Variants in SLCO6A1 observed in about 807,000 individuals in gnomAD.
The protein encoded by SLCO6A1 is solute carrier organic anion transporter family member 6A1, also known as cancer/testis antigen 48.
A neutral mutation model predicts 72.7 loss-of-function variants in SLCO6A1; 65 were observed. The observed-to-expected ratio is 0.89, with a 90% confidence interval of 0.73 to 1.10. The LOEUF is 1.10. Among genes scored for constraint, SLCO6A1 ranks in the 50% least tolerant of loss-of-function variants. The probability of loss-of-function intolerance (pLI) is 0.00; values close to 1 mark genes in which losing one functional copy is unlikely to be tolerated. For synonymous variants in SLCO6A1, 314 were observed against 298.2 expected (o/e 1.05, Z -0.55); for missense variants, 874 against 872.6 (o/e 1.00, Z -0.02).
At chr5:102,478,249 T>C (rs1376210394) in intron 2 of SLCO6A1, among the ~76,000 whole-genome samples, 1 of 150,004 alleles carries the variant, frequency 6.7e-6, no homozygotes, top group Non-Finnish European at 1.5e-5. Context: ...TGCATGATTG[T>C]ATATATGTGT....
intron 4 of SLCO6A1, among the ~76,000 whole-genome samples, chr5:102,473,753 G>A (rs1751750077): frequency 6.6e-6 from 1 of 151,970 alleles, no homozygotes; most frequent in Non-Finnish European, 1.5e-5. Flanking sequence ...TAACATATGT[G>A]TAACTATTAG....
chr5:102,480,145 T>C lies in SLCO6A1; in HGVS notation c.616+32A>G, dbSNP rs1752112399. 8 of 1,542,348 alleles carry C rather than the reference T, an allele frequency of 5.2e-6. No homozygotes were observed. In the East Asian group the frequency reaches 1.8e-4, roughly 35 times the overall value. On this transcript the variant is annotated intron_variant, in intron 2 of 13. Coordinates refer to ENST00000506729, the MANE Select transcript of SLCO6A1 (RefSeq NM_173488.5). ...AGCCAAGGTTTGAATGAATATTGAT[T>C]TGATGTATGACAGTATATTTTAAAA...
Position 102,498,597 on chromosome 5 carries a change from T to A in SLCO6A1, c.248A>T (p.Asp83Val). 1 of 1,614,230 alleles carries A rather than the reference T, an allele frequency of 6.2e-7. No homozygotes were observed. Residue 83 changes from aspartate to valine, a missense_variant, in exon 1 of 14, where the codon GAC (aspartate) becomes GTC (valine). By Grantham distance (152) the Asp-to-Val change is radical (BLOSUM62 -3). Coordinates refer to ENST00000506729, the MANE Select transcript of SLCO6A1 (RefSeq NM_173488.5). ...CAAACCACAGGGCTGCTCCAAACTG[T>A]CATCCACTTCTCCCGGCTTCTTGGA... ...SVSKKPGEVD[D>V]SLEQPCGLGC...
chr5:102,467,961 G>A (rs1434792131), intron 4 of SLCO6A1, among the ~76,000 whole-genome samples: 1 of 152,010 alleles, frequency 6.6e-6, no homozygotes, highest in African/African-American at 2.4e-5. Context: ...CTTGATGTAG[G>A]CATTTAATGC....
chr5:102,446,394 G>A (rs1325659609), intron 6 of SLCO6A1, among the ~76,000 whole-genome samples: 2 of 152,090 alleles, frequency 1.3e-5, no homozygotes, highest in Non-Finnish European at 2.9e-5. Flanking sequence ...GTAGAGAAAT[G>A]CTACTGATTT....
chr5:102,403,834 C>A (rs895157331), intron 9 of SLCO6A1, among the ~76,000 whole-genome samples: 1 of 152,016 alleles, frequency 6.6e-6, no homozygotes, highest in Admixed American at 6.6e-5. Flanking sequence ...AATGGTGAAC[C>A]AAAGAGACAA....
chr5:102,446,041 G>C (rs72779983), intron 6 of SLCO6A1, among the ~76,000 whole-genome samples: 10,891 of 151,936 alleles, frequency 0.072, 443 homozygotes, highest in African/African-American at 0.1. Context: ...TTTGGCTCTT[G>C]AGGGTTTTTG....
chr5:102,476,850 T>C (rs1483413904), intron 3 of SLCO6A1, among the ~76,000 whole-genome samples: 2 of 152,008 alleles, frequency 1.3e-5, no homozygotes, highest in Admixed American at 6.6e-5. Flanking sequence ...AATAAGTATA[T>C]AAAAACAACT....
intron 8 of SLCO6A1, among the ~76,000 whole-genome samples, chr5:102,419,467 A>G (rs1232847915): frequency 2.6e-5 from 4 of 152,210 alleles, no homozygotes; most frequent in Non-Finnish European, 5.9e-5. Context: ...TTTGATGTCT[A>G]TAAGAAGGCA....
At chr5:102,455,653 T>C (rs1028161215) in intron 6 of SLCO6A1, among the ~76,000 whole-genome samples, 1 of 152,158 alleles carries the variant, frequency 6.6e-6, no homozygotes, top group African/African-American at 2.4e-5. Flanking sequence ...TACATGCATG[T>C]CATCCCATTA....
intron 4 of SLCO6A1, among the ~76,000 whole-genome samples, chr5:102,470,305 G>T (rs1316725653): frequency 2.0e-5 from 3 of 151,984 alleles, no homozygotes; most frequent in African/African-American, 4.8e-5. Context: ...TTTTTTGGTT[G>T]GTAGGCTATT....
At chr5:102,406,608 G>A (rs562429353) in intron 9 of SLCO6A1, among the ~76,000 whole-genome samples, 45 of 152,108 alleles carry the variant, frequency 3.0e-4, no homozygotes, top group African/African-American at 9.6e-4. Context: ...AATATAAGTA[G>A]ATTCATAGGT....
chr5:102,414,907 G>A (rs796539352), intron 8 of SLCO6A1, among the ~76,000 whole-genome samples: 6 of 60,168 alleles, frequency 1.0e-4, no homozygotes, highest in African/African-American at 2.5e-4. Flanking sequence ...AAGTAAGTAA[G>A]TAAATAAATA....
At chr5:102,457,244 T>G (rs1196593308) in intron 6 of SLCO6A1, among the ~76,000 whole-genome samples, 4 of 151,132 alleles carry the variant, frequency 2.6e-5, no homozygotes, top group African/African-American at 9.7e-5. Context: ...AAGCCAAAAT[T>G]GACAAATGGG....
intron 6 of SLCO6A1, among the ~76,000 whole-genome samples, chr5:102,447,837 T>C (rs1179127455): frequency 6.6e-6 from 1 of 152,206 alleles, no homozygotes; most frequent in Non-Finnish European, 1.5e-5. Flanking sequence ...TTTCATTTCA[T>C]TGATCTTTTT....
chr5:102,382,780 A>C (rs1168078320), intron 12 of SLCO6A1, among the ~76,000 whole-genome samples: 3 of 151,170 alleles, frequency 2.0e-5, no homozygotes, highest in Non-Finnish European at 4.4e-5. Context: ...TCTTTTAGAT[A>C]GTTCTTGTTA....
At chr5:102,443,921 C>G (rs1040475603) in intron 6 of SLCO6A1, among the ~76,000 whole-genome samples, 3 of 152,136 alleles carry the variant, frequency 2.0e-5, no homozygotes, top group Admixed American at 6.5e-5. Flanking sequence ...CAGTAGCAGA[C>G]AGTGCTATTC....
intron 7 of SLCO6A1, among the ~76,000 whole-genome samples, chr5:102,429,707 C>G (rs757188981): frequency 6.6e-6 from 1 of 152,136 alleles, no homozygotes; most frequent in Admixed American, 6.6e-5. Flanking sequence ...GTTACTGTAG[C>G]CCCGTAGTAT....
intron 10 of SLCO6A1, among the ~76,000 whole-genome samples, chr5:102,398,129 A>G (rs551819148): frequency 6.6e-6 from 1 of 152,250 alleles, no homozygotes; most frequent in East Asian, 1.9e-4. Flanking sequence ...TCTGGATATA[A>G]TCATAGATTT....
Sources: gnomAD v4.1 joint callset for allele counts (sites outside exome capture counted in the v4.1 genomes callset) on GRCh38, gnomAD v4.1.1 for gene constraint, MANE v1.5 for transcripts, NCBI Gene and HGNC (gene_info 2026-07-23, HGNC 2026-07-21) for gene names.